The following TWF1 variants were observed in gnomAD, a reference collection of about 807,000 sequenced individuals.
TWF1 encodes twinfilin actin binding protein 1, also known as twinfilin-1.
TWF1 carries 14 observed loss-of-function variants against 47.9 expected under a neutral mutation model. The observed-to-expected ratio is 0.29, with a 90% confidence interval of 0.19 to 0.46. The LOEUF is 0.46. TWF1 is among the 20% of genes least tolerant of loss of function. TWF1 has a pLI of 1.00. For missense variants in TWF1, 281 were observed against 409.3 expected (o/e 0.69, Z 2.70); for synonymous variants, 96 against 139.2 (o/e 0.69, Z 2.18).
chr12:43,804,521 C>A lies in TWF1; in HGVS notation c.77G>T (p.Arg26Ile). The change falls in exon 2 of 9, where the codon AGA becomes ATA. Residue 26 changes from arginine (R) to isoleucine (I), a missense_variant. Physicochemically the swap from Arg to Ile is moderately conservative, Grantham distance 97. Transcript: ENST00000395510. ...ATTTTCAATAGATATTTTCAGAAGT[C>A]TGTACTTTCCATTTCTGGCTCTGGC... ...IFARARNGKY[R>I]LLKISIENEQ... The A allele has an allele frequency of 6.2e-7, 1 of 1,600,640 alleles. No homozygotes were observed. The highest frequency in any genetic ancestry group is 1.1e-5 in the South Asian group (1 of 87,724).
intron 5 of TWF1, chr12:43,798,509 A>G: frequency 6.9e-7 from 1 of 1,447,592 alleles, no homozygotes; most frequent in Non-Finnish European, 9.1e-7. Context: ...TGGAGATTCT[A>G]CAGCATAAAT....
At chr12:43,799,327 C>T in intron 5 of TWF1, 71 bp downstream of exon 5, 1 of 992,456 alleles carries the variant, frequency 1.0e-6, no homozygotes, top group East Asian at 2.7e-5. Flanking sequence ...TATCCTCCCA[C>T]ATCTATTAAT....
chr12:43,802,933 A>G (rs944204294), intron 2 of TWF1, among the ~76,000 whole-genome samples: 22 of 152,174 alleles, frequency 1.4e-4, no homozygotes. Context: ...CTACAGATTT[A>G]AACATTTGCC....
At chr12:43,800,325 CTCATGTTT>C in intron 4 of TWF1, 102 bp downstream of exon 4, 1 of 724,284 alleles carries the variant, frequency 1.4e-6, no homozygotes, top group South Asian at 1.9e-5. Context: ...TTCTCTTATT[CTCATGTTT>C]TCAGATTATC....
chr12:43,797,247 T>C, intron 7 of TWF1, 55 bp downstream of exon 7: 8 of 1,517,194 alleles, frequency 5.3e-6, no homozygotes, highest in Non-Finnish European at 6.2e-6. Flanking sequence ...AATATAGGGC[T>C]GATACACCAA....
chr12:43,805,900 G>T (rs756592457), intron 1 of TWF1: 2 of 1,479,320 alleles, frequency 1.4e-6, no homozygotes, highest in Non-Finnish European at 1.8e-6. Context: ...GTGACCAAAA[G>T]GGGGAAAGTT....
intron 1 of TWF1, 32 bp downstream of exon 1, chr12:43,806,189 C>T (rs1942768063): frequency 8.4e-6 from 13 of 1,539,428 alleles, no homozygotes; most frequent in Non-Finnish European, 1.1e-5. Context: ...CCCGGAAGCC[C>T]CTTCCCTGCG....
chr12:43,795,367 A>C lies in TWF1; in HGVS notation c.*218T>G. The stretch of plus-strand genomic sequence containing the variant: ...GCTATGAAAACAGTGTGACAAAATT[A>C]AACATTATGTTGAACCCTTTTCTAG... On this transcript the variant is annotated 3_prime_UTR_variant, in exon 9 of 9. Coordinates refer to ENST00000395510, the MANE Select transcript of TWF1 (RefSeq NM_002822.5). 1 of 477,870 alleles carries C rather than the reference A, an allele frequency of 2.1e-6. No individual in the cohort carries two copies. The highest frequency in any genetic ancestry group is 3.7e-6 in the Non-Finnish European group (1 of 267,698). 29.6% of individuals were successfully genotyped at this position (477,870 alleles called of 1,614,324 possible). A position where few individuals can be genotyped will look rare whatever the true frequency, so the allele number is the denominator to read the frequency against.
At chr12:43,805,990 A>G (rs1223383117) in intron 1 of TWF1, 3 of 1,533,882 alleles carry the variant, frequency 2.0e-6, no homozygotes, top group Admixed American at 1.9e-5. Flanking sequence ...GCTCCCCCGA[A>G]TTTCGGATCA....
At chr12:43,804,695 A>C in intron 1 of TWF1, 123 bp from the exon 2 acceptor site, 1 of 581,616 alleles carries the variant, frequency 1.7e-6, no homozygotes, top group Admixed American at 3.3e-5. Context: ...CCTTATTATC[A>C]GTATTATAAA....
Position 43,800,196 on chromosome 12 carries a change from T to C in TWF1, c.378+239A>G, listed in dbSNP as rs1409054903. Among the ~76,000 whole-genome samples, 3 of 152,208 alleles carry C rather than the reference T, an allele frequency of 2.0e-5. No homozygotes were observed. The East Asian group carries it at 5.8e-4, about 29-fold the overall frequency. ...TGTGTAAATACATATATTTACCATA[T>C]ACTTTAGAAGAATCAGTATGTTTCA... On this transcript the variant is annotated intron_variant, in intron 4 of 8. Coordinates refer to ENST00000395510, the MANE Select transcript of TWF1 (RefSeq NM_002822.5).
chr12:43,797,645 C>T, intron 6 of TWF1, 63 bp downstream of exon 6: 2 of 1,546,642 alleles, frequency 1.3e-6, no homozygotes, highest in Non-Finnish European at 1.7e-6. Context: ...TAATAATAAA[C>T]CCTATATGAG....
chr12:43,797,474 T>A, intron 6 of TWF1, 22 bp from the exon 7 acceptor site: 1 of 1,546,008 alleles, frequency 6.5e-7, no homozygotes, highest in South Asian at 1.2e-5. Context: ...AAACAAAATA[T>A]GTTCATTAAA....
chr12:43,799,389 G>A lies in TWF1; in HGVS notation c.483+9C>T. The A allele has an allele frequency of 6.3e-7, 1 of 1,577,258 alleles. No homozygotes were observed. The highest frequency in any genetic ancestry group is 8.7e-7 in the Non-Finnish European group (1 of 1,152,504). On this transcript the variant is annotated intron_variant, in intron 5 of 8. Transcript: ENST00000395510. The stretch of plus-strand genomic sequence containing the variant: ...AAAATCTTGCAAAGACTTTGTAGTT[G>A]TAACTTACCTCATTGATTTTAATCT...
At chr12:43,798,119 T>C (rs1221224209) in intron 5 of TWF1, among the ~76,000 whole-genome samples, 1 of 152,152 alleles carries the variant, frequency 6.6e-6, no homozygotes, top group Non-Finnish European at 1.5e-5. Context: ...CTTTAGAGTG[T>C]CATCAGATTA....
intron 2 of TWF1, 118 bp downstream of exon 2, chr12:43,804,375 TAA>T: frequency 1.5e-6 from 1 of 684,674 alleles, no homozygotes; most frequent in Admixed American, 2.9e-5. Flanking sequence ...CAAGTTACCG[TAA>T]GATTTGAACT....
Position 43,797,067 on chromosome 12 carries a change from C to A in TWF1, c.791G>T (p.Cys264Phe). The A allele has an allele frequency of 6.2e-7, 1 of 1,604,542 alleles. No homozygotes were observed. The highest frequency in any genetic ancestry group is 2.2e-5 in the East Asian group (1 of 44,778). Residue 264 changes from cysteine to phenylalanine, a missense_variant, in exon 8 of 9, where the codon TGC becomes TTC. Cys to Phe is a radical substitution (Grantham distance 205). Coordinates refer to ENST00000395510, the MANE Select transcript of TWF1 (RefSeq NM_002822.5). ...VFIYSMPGYT[C>F]SIRERMLYSS... ...ATACAGCATCCGCTCTCTTATACTGCATGTGTATCCAGGCATTGAATAAAT... is the reference window on the plus strand; with the variant it reads ...ATACAGCATCCGCTCTCTTATACTGAATGTGTATCCAGGCATTGAATAAAT...
chr12:43,797,613 C>A, intron 6 of TWF1, 95 bp downstream of exon 6: 1 of 1,470,786 alleles, frequency 6.8e-7, no homozygotes, highest in Non-Finnish European at 9.1e-7. Context: ...AATCAGAAAG[C>A]TATTTAAAAT....
chr12:43,796,922 G>A, intron 8 of TWF1, 54 bp downstream of exon 8: 3 of 1,548,878 alleles, frequency 1.9e-6, no homozygotes, highest in South Asian at 1.1e-5. Flanking sequence ...AAACTACATA[G>A]AAATGAAAAG....
Sources: allele counts gnomAD v4.1 joint callset (sites outside exome capture counted in the v4.1 genomes callset), GRCh38; gene constraint gnomAD v4.1.1; transcripts MANE v1.5; gene names NCBI Gene and HGNC (gene_info 2026-07-23, HGNC 2026-07-21).